DCLK1: variants seen among roughly 807,000 people sequenced by gnomAD.
DCLK1 encodes the protein doublecortin like kinase 1.
DCLK1 carries 16 observed loss-of-function variants against 86.2 expected under a neutral mutation model. The observed-to-expected ratio is 0.19, with a 90% CI of 0.13 to 0.28. The LOEUF (loss-of-function observed/expected upper bound fraction) is 0.28. Ranked by LOEUF, DCLK1 falls within the 10% of genes least tolerant of loss-of-function variation. The pLI is 1.00. For synonymous variants in DCLK1, 369 were observed against 370.5 expected, an observed-to-expected ratio of 1.00 and a Z score of 0.05; for missense variants, 590 against 940.2, an observed-to-expected ratio of 0.63 and a Z score of 4.87.
chr13:36,012,501 G>C (rs1881321487), intron 3 of DCLK1, among the ~76,000 whole-genome samples: 1 of 145,930 alleles, frequency 6.9e-6, no homozygotes. Context: ...TAGTTTGGCT[G>C]GATATGAAAT....
chr13:35,869,921 G>T (rs957019696), intron 5 of DCLK1, among the ~76,000 whole-genome samples: 2 of 152,160 alleles, frequency 1.3e-5, no homozygotes, highest in Non-Finnish European at 2.9e-5. Flanking sequence ...GAATCTCAGG[G>T]TGTGGGGGTT....
At chr13:35,806,485 C>T (rs1175829772) in intron 14 of DCLK1, among the ~76,000 whole-genome samples, 5 of 152,200 alleles carry the variant, frequency 3.3e-5, no homozygotes, top group East Asian at 1.9e-4. Context: ...TGGGTCTTAA[C>T]GATGAGTATG....
At chr13:36,109,412 C>G (rs1341958705) in intron 3 of DCLK1, among the ~76,000 whole-genome samples, 1 of 152,220 alleles carries the variant, frequency 6.6e-6, no homozygotes, top group Non-Finnish European at 1.5e-5. Context: ...ACAGTGGTTA[C>G]CAGCACAAGC....
intron 3 of DCLK1, among the ~76,000 whole-genome samples, chr13:35,969,653 G>C (rs533578973): frequency 3.3e-5 from 5 of 152,070 alleles, no homozygotes; most frequent in Non-Finnish European, 5.9e-5. Flanking sequence ...TCCCTATCAG[G>C]GTTCCTCTTT....
intron 3 of DCLK1, among the ~76,000 whole-genome samples, chr13:36,043,107 A>T (rs901029558): frequency 2.6e-5 from 4 of 152,200 alleles, no homozygotes; most frequent in African/African-American, 9.6e-5. Context: ...CTTTAAAAAA[A>T]TTCTTGAACT....
intron 6 of DCLK1, among the ~76,000 whole-genome samples, chr13:35,842,161 G>A (rs9531109): frequency 0.2 from 29,788 of 145,712 alleles, 3,167 homozygotes; most frequent in East Asian, 0.33. Context: ...TCCAGGAGGC[G>A]GAGCTTGCAG....
At chr13:36,062,247 T>C (rs1215490800) in intron 3 of DCLK1, among the ~76,000 whole-genome samples, 20 of 152,200 alleles carry the variant, frequency 1.3e-4, no homozygotes. Context: ...TGAACTTCAC[T>C]CATCAATAAT....
At chr13:36,090,635 T>C (rs1884785074) in intron 3 of DCLK1, among the ~76,000 whole-genome samples, 1 of 152,142 alleles carries the variant, frequency 6.6e-6, no homozygotes, top group South Asian at 2.1e-4. Context: ...AGGGAACTTC[T>C]GCAAGGGTCC....
At chr13:35,850,447 C>G in intron 6 of DCLK1, 1 of 1,109,250 alleles carries the variant, frequency 9.0e-7, no homozygotes, top group East Asian at 5.3e-5. Context: ...GTATGAAATT[C>G]ATCTAGAGCC....
intron 3 of DCLK1, among the ~76,000 whole-genome samples, chr13:36,041,607 A>T (rs1175090557): frequency 6.6e-6 from 1 of 152,198 alleles, no homozygotes; most frequent in Non-Finnish European, 1.5e-5. Flanking sequence ...GAAGCTGAAT[A>T]TATTAACCTG....
At chr13:36,051,013 G>A (rs1883104065) in intron 3 of DCLK1, among the ~76,000 whole-genome samples, 1 of 152,166 alleles carries the variant, frequency 6.6e-6, no homozygotes, top group African/African-American at 2.4e-5. Context: ...CCAATGAGAA[G>A]TGATGCTACA....
chr13:35,902,734 C>T (rs1336849433), intron 4 of DCLK1, among the ~76,000 whole-genome samples: 1 of 152,098 alleles, frequency 6.6e-6, no homozygotes, highest in Non-Finnish European at 1.5e-5. Flanking sequence ...GTGAAGGCTG[C>T]TGCTTATGGA....
At chr13:35,943,604 G>A (rs948762598) in intron 4 of DCLK1, among the ~76,000 whole-genome samples, 2 of 152,154 alleles carry the variant, frequency 1.3e-5, no homozygotes, top group African/African-American at 4.8e-5. Flanking sequence ...TGGCCAAGGT[G>A]AGGCTCCGGA....
chr13:36,027,191 G>A (rs1016166998), intron 3 of DCLK1, among the ~76,000 whole-genome samples: 1 of 152,134 alleles, frequency 6.6e-6, no homozygotes, highest in Admixed American at 6.5e-5. Flanking sequence ...ATGGGGGTGG[G>A]GTGATGGATG....
chr13:35,881,721 T>G (rs1288950877), intron 4 of DCLK1, among the ~76,000 whole-genome samples: 1 of 152,138 alleles, frequency 6.6e-6, no homozygotes, highest in Non-Finnish European at 1.5e-5. Context: ...CCTGTCTCCC[T>G]GCCAGTCTGT....
intron 4 of DCLK1, among the ~76,000 whole-genome samples, chr13:35,920,007 T>C (rs1875703435): frequency 6.6e-6 from 1 of 152,074 alleles, no homozygotes; most frequent in African/African-American, 2.4e-5. Context: ...AATTTTCCCC[T>C]TCAAGTCCAC....
intron 3 of DCLK1, among the ~76,000 whole-genome samples, chr13:35,954,228 A>T (rs1389895911): frequency 2.6e-5 from 4 of 152,232 alleles, no homozygotes; most frequent in Admixed American, 2.0e-4. Flanking sequence ...TTTAAAAAAA[A>T]ATCTAGTTAC....
At chr13:36,067,862 A>T (rs1470026447) in intron 3 of DCLK1, among the ~76,000 whole-genome samples, 1 of 152,164 alleles carries the variant, frequency 6.6e-6, no homozygotes, top group Non-Finnish European at 1.5e-5. Flanking sequence ...AAATGAGAAG[A>T]GTCTGCTGCC....
chr13:36,126,729 C>T (rs12184855), intron 1 of DCLK1, among the ~76,000 whole-genome samples: 33,265 of 152,080 alleles, frequency 0.22, 3,722 homozygotes, highest in Middle Eastern at 0.25. Flanking sequence ...AGAGGCCGAT[C>T]CCAGTGGAAA....
Sources: gnomAD v4.1 joint callset for allele counts (sites outside exome capture counted in the v4.1 genomes callset) on GRCh38, gnomAD v4.1.1 for gene constraint, MANE v1.5 for transcripts, NCBI Gene and HGNC (gene_info 2026-07-23, HGNC 2026-07-21) for gene names.